Variants in APBB2 observed in about 807,000 individuals in gnomAD.
The protein encoded by APBB2 is Fe65-like 1.
Under a neutral mutation model 82.5 loss-of-function variants are expected in APBB2, and 38 were observed. The observed-to-expected ratio is 0.46, with a 90% CI of 0.36 to 0.60. The LOEUF is 0.60. APBB2 is among the 20% of genes least tolerant of loss of function. APBB2 has a pLI of 0.00. For missense variants in APBB2, 772 were observed against 972.3 expected (o/e 0.79, Z 2.74); for synonymous variants, 341 against 368.2 (o/e 0.93, Z 0.85).
chr4:40,842,431 C>A (rs1025206155), intron 12 of APBB2: 1 of 447,016 alleles, frequency 2.2e-6, no homozygotes, highest in Non-Finnish European at 4.5e-6. Context: ...AGCATTCACA[C>A]GGCATCCCGC....
At chr4:40,854,790 CAAAAAAAAA>C (rs80240731) in intron 12 of APBB2, among the ~76,000 whole-genome samples, 2 of 124,822 alleles carry the variant, frequency 1.6e-5, no homozygotes, top group African/African-American at 6.3e-5. Flanking sequence ...AGTCCATCTC[CAAAAAAAAA>C]AAAAAAAAAA....
At chr4:40,911,257 T>C (rs1778455573) in intron 10 of APBB2, among the ~76,000 whole-genome samples, 1 of 152,210 alleles carries the variant, frequency 6.6e-6, no homozygotes, top group Admixed American at 6.5e-5. Flanking sequence ...ACTGTGAGAC[T>C]TGAGTATGCG....
chr4:41,184,568 C>T (rs959899201), intron 1 of APBB2, among the ~76,000 whole-genome samples: 8 of 152,336 alleles, frequency 5.3e-5, no homozygotes, highest in Middle Eastern at 6.8e-3. Context: ...CCCTCCAACA[C>T]TGTCTGTCCC....
intron 12 of APBB2, among the ~76,000 whole-genome samples, chr4:40,833,381 C>T (rs543940618): frequency 4.3e-4 from 66 of 152,308 alleles, no homozygotes; most frequent in Admixed American, 1.3e-3. Flanking sequence ...GGTGTCCGCT[C>T]GTAGTGGTGT....
At position 40,944,945 on chromosome 4, in the gene APBB2, C is replaced by T. The variant is rs573666516; in HGVS notation, c.964G>A (p.Val322Ile). ...PTGTTQWERP[V>I]SIPADLQGSR... is the part of the protein sequence containing the mutation. ...CCCTGGAGATCTGCTGGGATGGAGACGGGCCGTTCCCACTGAGTCGTTCCT... is the reference window on the plus strand; with the variant it reads ...CCCTGGAGATCTGCTGGGATGGAGATGGGCCGTTCCCACTGAGTCGTTCCT... The change falls in exon 7 of 18, where the codon GTC (valine) becomes ATC (isoleucine). Residue 322 changes from valine (V) to isoleucine (I), a missense_variant. Physicochemically the swap from Val to Ile is conservative, Grantham distance 29 (BLOSUM62 3). Coordinates refer to ENST00000508593, the MANE Select transcript of APBB2 (RefSeq NM_004307.2). The T allele has an allele frequency of 3.5e-5, 56 of 1,613,874 alleles. No individual in the cohort carries two copies. The highest frequency in any genetic ancestry group is 3.4e-4 in the Middle Eastern group (2 of 5,930).
intron 6 of APBB2, among the ~76,000 whole-genome samples, chr4:40,950,595 C>T (rs1789840078): frequency 6.6e-6 from 1 of 150,896 alleles, no homozygotes; most frequent in South Asian, 2.1e-4. Context: ...CAGCTGTTAT[C>T]CTAGCACGTT....
chr4:40,934,748 T>C (rs1330489612), intron 8 of APBB2, 49 bp from the exon 9 acceptor site: 1 of 1,322,938 alleles, frequency 7.6e-7, no homozygotes. Context: ...AGAAGACCAT[T>C]CATTGCCTCA....
chr4:40,885,609 C>T (rs1017796336), intron 12 of APBB2, among the ~76,000 whole-genome samples: 8 of 152,130 alleles, frequency 5.3e-5, no homozygotes, highest in African/African-American at 1.9e-4. Flanking sequence ...CTCATAGTTG[C>T]CATTCATTAT....
At chr4:40,915,841 C>G (rs1779703920) in intron 10 of APBB2, among the ~76,000 whole-genome samples, 1 of 152,060 alleles carries the variant, frequency 6.6e-6, no homozygotes, top group Admixed American at 6.5e-5. Context: ...CGGAACCCGG[C>G]CATCTCATTT....
intron 3 of APBB2, among the ~76,000 whole-genome samples, chr4:41,079,180 C>G (rs1736663939): frequency 6.6e-6 from 1 of 152,212 alleles, no homozygotes; most frequent in South Asian, 2.1e-4. Flanking sequence ...TAGAACTAAT[C>G]TTATTGTATG....
chr4:41,148,082 A>T (rs925195310), intron 1 of APBB2, among the ~76,000 whole-genome samples: 39 of 152,288 alleles, frequency 2.6e-4, no homozygotes, highest in East Asian at 5.8e-4. Context: ...TTAAAAAAAA[A>T]TTTTCTTTCA....
At chr4:41,058,075 A>G (rs1349559096) in intron 4 of APBB2, among the ~76,000 whole-genome samples, 1 of 152,210 alleles carries the variant, frequency 6.6e-6, no homozygotes, top group Admixed American at 6.5e-5. Context: ...CCAGAGTCTC[A>G]TTCTGCAACA....
intron 4 of APBB2, among the ~76,000 whole-genome samples, chr4:41,045,766 G>A (rs924760418): frequency 6.6e-6 from 1 of 151,778 alleles, no homozygotes; most frequent in Non-Finnish European, 1.5e-5. Context: ...TCTTTCTCTC[G>A]CTCCCTGTAT....
chr4:41,135,525 G>A (rs1757323577), intron 2 of APBB2, among the ~76,000 whole-genome samples: 1 of 152,124 alleles, frequency 6.6e-6, no homozygotes, highest in Admixed American at 6.6e-5. Flanking sequence ...ATCGTGTCAT[G>A]CGTATAGATC....
rs1013726452 is a variant in APBB2, at chr4:40,863,859, A to T, written c.1529+26505T>A. On this transcript the variant is annotated intron_variant, in intron 12 of 17. Coordinates refer to ENST00000508593, the MANE Select transcript of APBB2 (RefSeq NM_004307.2). ...TAGTGAGCTGAGATCACACCACTGC[A>T]CTCCAGCCTGGGTGACAGAGGGAGA... is the stretch of plus-strand genomic sequence containing the variant. 2.9e-5 allele frequency among the ~76,000 whole-genome samples: 4 copies of T among 136,956 alleles called. No homozygotes were observed. The East Asian group carries it at 8.9e-4, about 30-fold the overall frequency. The allele number at this position is 136,956 out of a possible 152,430, so 89.8% of individuals were successfully genotyped here.
chr4:40,901,694 G>C (rs1282269561), intron 10 of APBB2, among the ~76,000 whole-genome samples: 1 of 152,082 alleles, frequency 6.6e-6, no homozygotes, highest in Non-Finnish European at 1.5e-5. Flanking sequence ...ATTTTTAGTA[G>C]AGATGGGGTT....
rs535645309 is a variant in APBB2 at position 41,024,087 on chromosome 4, A to T, written c.19+9149T>A. Reference sequence around the variant, plus strand: ...GACAAAAAACAGCAATGGGGAAAAGACTCTTTATTCAATAAATGGTGCTGA... The same window carrying T: ...GACAAAAAACAGCAATGGGGAAAAGTCTCTTTATTCAATAAATGGTGCTGA... On this transcript the variant is annotated intron_variant, in intron 5 of 17. Transcript: ENST00000508593. Among the ~76,000 whole-genome samples the T allele has an allele frequency of 4.6e-5, 7 of 152,274 alleles. No homozygotes were observed. In the South Asian group the frequency reaches 6.2e-4, roughly 14 times the overall value.
At chr4:40,868,931 A>T (rs143330833) in intron 12 of APBB2, among the ~76,000 whole-genome samples, 1 of 152,238 alleles carries the variant, frequency 6.6e-6, no homozygotes, top group Non-Finnish European at 1.5e-5. Context: ...ACACATGCAC[A>T]TGAAAAGCCA....
At chr4:40,901,909 ATG>A (rs35766512) in intron 10 of APBB2, among the ~76,000 whole-genome samples, 27,787 of 145,074 alleles carry the variant, frequency 0.19, 2,770 homozygotes, top group Admixed American at 0.28. Context: ...ATCCAAAATT[ATG>A]TGTGTGTGTG....
Sources: allele counts gnomAD v4.1 joint callset (sites outside exome capture counted in the v4.1 genomes callset), GRCh38; gene constraint gnomAD v4.1.1; transcripts MANE v1.5; gene names NCBI Gene and HGNC (gene_info 2026-07-23, HGNC 2026-07-21).